The following SNX30 variants were observed in gnomAD, a reference collection of about 807,000 sequenced individuals.
SNX30 encodes the protein sorting nexin-30.
SNX30 carries 24 observed loss-of-function variants against 46.4 expected under a neutral mutation model. The ratio of observed to expected loss-of-function variants is 0.52; its 90% CI spans 0.37 to 0.73. The LOEUF (loss-of-function observed/expected upper bound fraction) is 0.73. SNX30 is among the 30% of genes least tolerant of loss of function. SNX30 has a pLI of 0.00. For missense variants in SNX30, 533 were observed against 555.7 expected (o/e 0.96, Z 0.41); for synonymous variants, 189 against 211.5 (o/e 0.89, Z 0.92).
chr9:112,864,140 A>G, intron 7 of SNX30, 107 bp from the exon 8 acceptor site: 2 of 1,223,146 alleles, frequency 1.6e-6, no homozygotes, highest in Non-Finnish European at 2.3e-6. Flanking sequence ...TGTTGATAGC[A>G]TTTTAATGTA....
chr9:112,750,850 C>G lies in SNX30; in HGVS notation c.-152C>G, dbSNP rs1372748412. ...GGAGCGTCTGAGCGCCGGCAGAGACCAGCCGGCGGGTGGCGGCGGCCCCCA... is the reference window on the plus strand; with the variant it reads ...GGAGCGTCTGAGCGCCGGCAGAGACGAGCCGGCGGGTGGCGGCGGCCCCCA... On this transcript the variant is annotated 5_prime_UTR_variant, in exon 1 of 9. Transcript: ENST00000374232. 2 of 616,938 alleles carry G rather than the reference C, an allele frequency of 3.2e-6. No individual in the cohort carries two copies. The highest frequency in any genetic ancestry group is 4.0e-5 in the African/African-American group (2 of 49,892). 38.2% of individuals were successfully genotyped at this position (616,938 alleles called of 1,614,324 possible). A position where few individuals can be genotyped will look rare whatever the true frequency, so the allele number is the denominator to read the frequency against.
downstream of SNX30, among the ~76,000 whole-genome samples, chr9:112,875,551 A>C (rs962928517): frequency 2.9e-4 from 44 of 152,244 alleles, no homozygotes; most frequent in Non-Finnish European, 2.6e-4. Context: ...CACTTGGCTG[A>C]ATATTTAGTA....
chr9:112,822,596 A>C (rs1840520336), intron 3 of SNX30, among the ~76,000 whole-genome samples: 2 of 144,964 alleles, frequency 1.4e-5, no homozygotes, highest in Admixed American at 1.4e-4. Context: ...TGTAACATGA[A>C]CATGTAACAT....
intron 7 of SNX30, 41 bp downstream of exon 7, chr9:112,850,986 TC>T: frequency 6.7e-7 from 1 of 1,485,256 alleles, no homozygotes; most frequent in Non-Finnish European, 9.4e-7. Flanking sequence ...AGCTGTAGTC[TC>T]CCTGCTGGTG....
chr9:112,851,037 T>C (rs1841016111), intron 7 of SNX30, 92 bp downstream of exon 7: 1 of 946,588 alleles, frequency 1.1e-6, no homozygotes, highest in South Asian at 1.5e-5. Flanking sequence ...TGACTAAGAG[T>C]GGTCAGTGCC....
chr9:112,818,789 A>G (rs955276807), intron 3 of SNX30, among the ~76,000 whole-genome samples: 1 of 152,170 alleles, frequency 6.6e-6, no homozygotes, highest in African/African-American at 2.4e-5. Flanking sequence ...TTGTGAATGC[A>G]CTGGCAGTTT....
At chr9:112,831,283 A>G (rs1274708913) in intron 4 of SNX30, among the ~76,000 whole-genome samples, 2 of 152,076 alleles carry the variant, frequency 1.3e-5, no homozygotes, top group East Asian at 3.8e-4. Context: ...TAGCAAATCC[A>G]TATAGATGGA....
chr9:112,790,012 C>T (rs1839995170), intron 1 of SNX30, among the ~76,000 whole-genome samples: 1 of 152,154 alleles, frequency 6.6e-6, no homozygotes, highest in African/African-American at 2.4e-5. Flanking sequence ...GGGATACTAA[C>T]TTAGAAACCA....
At chr9:112,814,467 C>T (rs944394588) in intron 2 of SNX30, among the ~76,000 whole-genome samples, 3 of 152,122 alleles carry the variant, frequency 2.0e-5, no homozygotes, top group Non-Finnish European at 4.4e-5. Flanking sequence ...TCTTGAACTC[C>T]TGGACTCAAG....
chr9:112,775,357 G>C (rs1374068896), intron 1 of SNX30, among the ~76,000 whole-genome samples: 1 of 151,310 alleles, frequency 6.6e-6, no homozygotes, highest in Non-Finnish European at 1.5e-5. Flanking sequence ...GTTTCTCCAT[G>C]TTGGTCAGGC....
intron 8 of SNX30, among the ~76,000 whole-genome samples, chr9:112,868,490 G>T (rs1342309360): frequency 6.6e-6 from 1 of 152,148 alleles, no homozygotes; most frequent in African/African-American, 2.4e-5. Context: ...GAAAGGAAAA[G>T]AACTTCCTCC....
In SNX30 at chr9:112,836,290, G is replaced by T; in HGVS notation, c.695G>T (p.Gly232Val). Residue 232 changes from glycine to valine, a missense_variant, in exon 5 of 9, where the codon GGC becomes GTC. Physicochemically the swap from Gly to Val is moderately radical, Grantham distance 109. Around this residue, in one of 3 missense-constraint regions of SNX30, gnomAD observed 261 missense variants for 270.9 expected, o/e 0.96. Coordinates refer to ENST00000374232, the MANE Select transcript of SNX30 (RefSeq NM_001012994.2). ...MGESVKHVTG[G>V]YKLRTRPLEF... The stretch of plus-strand genomic sequence containing the variant: ...GAGTCAGTCAAGCACGTCACTGGCG[G>T]CTACAAGCTGAGGACTCGGCCGCTT... 1.2e-6 allele frequency: 2 copies of T among 1,613,480 alleles called. No individual in the cohort carries two copies. Among genetic ancestry groups the T allele is most frequent in the Non-Finnish European group, 1.7e-6 (2 of 1,179,392 alleles).
intron 2 of SNX30, among the ~76,000 whole-genome samples, chr9:112,809,261 G>T (rs555313070): frequency 6.6e-6 from 1 of 152,158 alleles, no homozygotes; most frequent in African/African-American, 2.4e-5. Context: ...TGTATTTTTA[G>T]TAGAGATGGG....
intron 5 of SNX30, among the ~76,000 whole-genome samples, chr9:112,880,988 G>A (rs1055178688): frequency 7.2e-5 from 11 of 152,112 alleles, no homozygotes; most frequent in Non-Finnish European, 1.5e-4. Context: ...TTCTGCCTGA[G>A]GATGAACTCC....
chr9:112,763,593 G>A (rs1217722566), intron 1 of SNX30, among the ~76,000 whole-genome samples: 3 of 151,282 alleles, frequency 2.0e-5, no homozygotes, highest in Non-Finnish European at 4.4e-5. Context: ...GCTCATGCCT[G>A]TAATCCCAGC....
intron 1 of SNX30, among the ~76,000 whole-genome samples, chr9:112,782,132 C>A (rs1839855902): frequency 6.6e-6 from 1 of 151,892 alleles, no homozygotes; most frequent in Admixed American, 6.6e-5. Flanking sequence ...AATGGTGCAA[C>A]CTCGGCTCAC....
chr9:112,778,270 C>CTTTTTTT (rs1001151120), intron 1 of SNX30, among the ~76,000 whole-genome samples: 3 of 123,350 alleles, frequency 2.4e-5, no homozygotes, highest in Non-Finnish European at 3.4e-5. Context: ...GGCCATATTC[C>CTTTTTTT]TTTTTTTTTT....
At chr9:112,764,435 G>A (rs753421527) in intron 1 of SNX30, among the ~76,000 whole-genome samples, 1 of 152,068 alleles carries the variant, frequency 6.6e-6, no homozygotes, top group Non-Finnish European at 1.5e-5. Context: ...GGGTGGAGGA[G>A]GGCAGTGGCA....
chr9:112,836,397 A>G lies in SNX30; in HGVS notation c.802A>G (p.Lys268Glu). 6.3e-7 allele frequency: 1 copy of G among 1,592,290 alleles called. No homozygotes were observed. Among genetic ancestry groups the G allele is most frequent in the Non-Finnish European group, 8.6e-7 (1 of 1,161,440 alleles). The change falls in exon 5 of 9, where the codon AAA (lysine) becomes GAA (glutamate). Residue 268 changes from lysine to glutamate, a missense_variant. Physicochemically the swap from Lys to Glu is moderately conservative, Grantham distance 56 (BLOSUM62 1). This residue lies in a region of SNX30 where 261 missense variants were observed against 270.9 expected (regional missense o/e 0.96). Transcript: ENST00000374232. ...TIDRIAQRIIKEEIEYLVELR... is the reference protein window; with the variant it reads ...TIDRIAQRIIEEEIEYLVELR... ...TGATCGAATAGCCCAGCGGATCATC[A>G]AAGAAGAAATAGGTGAGCTGTCTGT...
Sources: allele counts gnomAD v4.1 joint callset (sites outside exome capture counted in the v4.1 genomes callset), GRCh38; gene constraint gnomAD v4.1.1; regional missense constraint gnomAD v4.1.1; transcripts MANE v1.5; gene names NCBI Gene and HGNC (gene_info 2026-07-23, HGNC 2026-07-21).